The following RPS6KA2 variants were observed in gnomAD, a reference collection of about 807,000 sequenced individuals.
RPS6KA2 encodes the protein ribosomal protein S6 kinase alpha-2.
In RPS6KA2, 42 loss-of-function variants were observed where a neutral mutation model predicts 91.8. The observed-to-expected ratio is 0.46, with a 90% CI of 0.36 to 0.59. RPS6KA2 has a LOEUF of 0.59. RPS6KA2 is among the 20% of genes least tolerant of loss of function. The probability of loss-of-function intolerance (pLI) is 0.00; values close to 1 mark genes in which losing one functional copy is unlikely to be tolerated. For missense variants in RPS6KA2, 798 were observed against 978.5 expected (o/e 0.82, Z 2.46); for synonymous variants, 414 against 393.6 (o/e 1.05, Z -0.61).
rs538513158 is a variant in RPS6KA2, at chr6:166,533,997, C to T, written c.217-2684G>A. On this transcript the variant is annotated intron_variant, in intron 2 of 20. Coordinates refer to ENST00000265678, the MANE Select transcript of RPS6KA2 (RefSeq NM_021135.6). This position sits in a 1 kb window ranked among gnomAD's most constrained non-coding sequence, Gnocchi z 4.0. ...CAGCACTTTGGGAGGCCGAGGCGGGCGGATCACGAGGTCAGGAGATTGAGA... is the reference window on the plus strand; with the variant it reads ...CAGCACTTTGGGAGGCCGAGGCGGGTGGATCACGAGGTCAGGAGATTGAGA... Among the ~76,000 whole-genome samples, 4 of 151,948 alleles carry T rather than the reference C, an allele frequency of 2.6e-5. No homozygotes were observed. Among genetic ancestry groups the T allele is most frequent in the Admixed American group, 6.5e-5 (1 of 15,280 alleles).
chr6:166,519,897 G>A (rs560829058), intron 3 of RPS6KA2, among the ~76,000 whole-genome samples: 1 of 152,148 alleles, frequency 6.6e-6, no homozygotes, highest in East Asian at 1.9e-4. Context: ...ACTTGACTGG[G>A]CTAAGAGATG....
rs1170092698 is a variant in RPS6KA2, at chr6:166,538,709, A to G, written c.175T>C (p.Phe59Leu). The G allele has an allele frequency of 6.2e-7, 1 of 1,611,616 alleles. No individual in the cohort carries two copies. Among genetic ancestry groups the G allele is most frequent in the Non-Finnish European group, 8.5e-7 (1 of 1,177,858 alleles). The change falls in exon 2 of 21, where the codon TTT becomes CTT. Residue 59 changes from phenylalanine (F) to leucine (L), a missense_variant. Physicochemically the swap from Phe to Leu is conservative, Grantham distance 22. Coordinates refer to ENST00000265678, the MANE Select transcript of RPS6KA2 (RefSeq NM_021135.6). ...TGTCCTAAAACCTTCAGCAGCTCAA[A>G]CTGGGAAGGATCTGCCTTCTCAAAG... is the stretch of plus-strand genomic sequence containing the variant. ...EGFEKADPSQFELLKVLGQGS... is the reference protein window; with the variant it reads ...EGFEKADPSQLELLKVLGQGS...
rs957529367 is a variant in RPS6KA2 at position 166,603,102 on chromosome 6, A to G, written c.99+23819T>C. Among the ~76,000 whole-genome samples, 3 of 152,364 alleles carry G rather than the reference A, an allele frequency of 2.0e-5. No individual in the cohort carries two copies. In the East Asian group the frequency reaches 5.8e-4, roughly 29 times the overall value. The stretch of plus-strand genomic sequence containing the variant: ...AATGTAAACATTCACTTACATCTGC[A>G]TCTGTTAAGTGTTAAGTTCTGACAT... On this transcript the variant is annotated intron_variant, in intron 1 of 20. Coordinates refer to ENST00000265678, the MANE Select transcript of RPS6KA2 (RefSeq NM_021135.6). This position sits in a 1 kb window ranked among gnomAD's most constrained non-coding sequence, Gnocchi z 4.3.
At chr6:166,640,690 G>A (rs1309317843) in intron 2 of RPS6KA2, among the ~76,000 whole-genome samples, 1 of 152,172 alleles carries the variant, frequency 6.6e-6, no homozygotes, top group Non-Finnish European at 1.5e-5. Flanking sequence ...AAGAATAAAC[G>A]CAGGCAAAAA....
At chr6:166,744,368 C>A (rs1345286581) in intron 2 of RPS6KA2, among the ~76,000 whole-genome samples, 2 of 152,240 alleles carry the variant, frequency 1.3e-5, no homozygotes, top group Non-Finnish European at 2.9e-5. Context: ...TCGCCGCAGA[C>A]CTGAGACGCG....
At chr6:166,465,113 G>A (rs1178203889) in intron 11 of RPS6KA2, among the ~76,000 whole-genome samples, 2 of 151,154 alleles carry the variant, frequency 1.3e-5, no homozygotes, top group African/African-American at 5.0e-5. Flanking sequence ...AAGCCATTGG[G>A]TGAAGTACCC....
chr6:166,783,526 T>A (rs930587501), intron 2 of RPS6KA2, among the ~76,000 whole-genome samples: 4 of 152,106 alleles, frequency 2.6e-5, no homozygotes, highest in African/African-American at 9.7e-5. Flanking sequence ...TAGACAGATA[T>A]AGATACAAAT....
chr6:166,707,113 G>C (rs550516156), intron 2 of RPS6KA2, among the ~76,000 whole-genome samples: 1 of 152,372 alleles, frequency 6.6e-6, no homozygotes, highest in Admixed American at 6.5e-5. Context: ...TCAGAGAAGA[G>C]AGTTAGCAGG....
At chr6:166,705,994 T>C (rs1789670192) in intron 2 of RPS6KA2, among the ~76,000 whole-genome samples, 1 of 152,172 alleles carries the variant, frequency 6.6e-6, no homozygotes, top group Admixed American at 6.5e-5. Context: ...TTCCACCACG[T>C]GAGGACTTGG....
Position 166,430,003 on chromosome 6 carries a change from G to T in RPS6KA2, c.1581+450C>A, listed in dbSNP as rs150399446. On this transcript the variant is annotated intron_variant, in intron 16 of 20. Coordinates refer to ENST00000265678, the MANE Select transcript of RPS6KA2 (RefSeq NM_021135.6). Reference sequence around the variant, plus strand: ...GATGGAGTCTCGTCCTGTCACGCAGGCTGGAGTGCAATGGTGCTATCTCAG... The same window carrying T: ...GATGGAGTCTCGTCCTGTCACGCAGTCTGGAGTGCAATGGTGCTATCTCAG... Among the ~76,000 whole-genome samples the T allele has an allele frequency of 3.5e-3, 525 of 151,194 alleles. 1 individual carries two copies. The highest frequency in any genetic ancestry group is 6.0e-3 in the Non-Finnish European group (409 of 67,892).
chr6:166,842,630 G>A (rs553817551), intron 2 of RPS6KA2, among the ~76,000 whole-genome samples: 61 of 152,320 alleles, frequency 4.0e-4, no homozygotes, highest in Non-Finnish European at 7.5e-4. Context: ...TATCCATAAC[G>A]GACCCGAAGG....
chr6:166,789,568 AAGTGGGTCCCTGACCCCCG>A (rs1779027824), intron 2 of RPS6KA2, among the ~76,000 whole-genome samples: 2 of 151,998 alleles, frequency 1.3e-5, no homozygotes, highest in South Asian at 4.1e-4. Flanking sequence ...CTGCCTCCTC[AAGTGGGTCCCTGACCCCCG>A]AGCAGCTTAA....
chr6:166,628,369 C>T (rs554809079), upstream of RPS6KA2, among the ~76,000 whole-genome samples: 139 of 152,350 alleles, frequency 9.1e-4, no homozygotes, highest in South Asian at 0.027. Context: ...GCACCATCAC[C>T]ACCTGCAAAG....
intron 1 of RPS6KA2, among the ~76,000 whole-genome samples, chr6:166,584,534 A>G (rs16899193): frequency 0.021 from 3,251 of 152,296 alleles, 118 homozygotes; most frequent in South Asian, 0.11. Context: ...TTATAGCTCT[A>G]TTAGGCCAGT....
intron 2 of RPS6KA2, among the ~76,000 whole-genome samples, chr6:166,717,828 C>A (rs1188040035): frequency 1.3e-5 from 2 of 151,512 alleles, no homozygotes; most frequent in Non-Finnish European, 2.9e-5. Flanking sequence ...TATTATTTGT[C>A]ATTTTTCTTT....
intron 2 of RPS6KA2, among the ~76,000 whole-genome samples, chr6:166,675,157 C>G (rs28513294): frequency 0.095 from 14,387 of 152,214 alleles, 840 homozygotes; most frequent in Middle Eastern, 0.19. Flanking sequence ...TGCCAGCAAG[C>G]GGAGGGCACT....
At chr6:166,708,613 C>T (rs1343392512) in intron 2 of RPS6KA2, among the ~76,000 whole-genome samples, 3 of 152,228 alleles carry the variant, frequency 2.0e-5, no homozygotes, top group Admixed American at 1.3e-4. Context: ...CATTCCAAGA[C>T]GTTTCGCAGG....
intron 1 of RPS6KA2, among the ~76,000 whole-genome samples, chr6:166,624,054 A>AT (rs1194948017): frequency 6.6e-6 from 1 of 152,234 alleles, no homozygotes; most frequent in Non-Finnish European, 1.5e-5. Context: ...AGGAAAAAAA[A>AT]GAAGGAACTT....
At chr6:166,750,380 G>A (rs779195086) in intron 2 of RPS6KA2, among the ~76,000 whole-genome samples, 27 of 152,040 alleles carry the variant, frequency 1.8e-4, no homozygotes, top group African/African-American at 4.8e-4. Context: ...CGCAGTGCAC[G>A]CACATCTGTG....
Sources: allele counts gnomAD v4.1 joint callset (sites outside exome capture counted in the v4.1 genomes callset), GRCh38; gene constraint gnomAD v4.1.1; non-coding constraint Gnocchi (gnomAD v3.1); transcripts MANE v1.5; gene names NCBI Gene and HGNC (gene_info 2026-07-23, HGNC 2026-07-21).